The following ZFHX3 variants were observed in gnomAD, a reference collection of about 807,000 sequenced individuals.
ZFHX3 encodes the protein zinc finger homeobox 3.
Under a neutral mutation model 279.1 loss-of-function variants are expected in ZFHX3, and 42 were observed. That is an observed-to-expected ratio of 0.15 (90% CI 0.12 to 0.19). The LOEUF (loss-of-function observed/expected upper bound fraction) is 0.19, where lower values mean the gene tolerates loss of function less well. Among genes scored for constraint, ZFHX3 ranks in the 10% least tolerant of loss-of-function variants. The probability of loss-of-function intolerance (pLI) is 1.00; values close to 1 mark genes in which losing one functional copy is unlikely to be tolerated. For synonymous variants in ZFHX3, 2,293 were observed against 1,957.8 expected, an observed-to-expected ratio of 1.17 and a Z score of -4.52; for missense variants, 4,981 against 4,754.0, an observed-to-expected ratio of 1.05 and a Z score of -1.40.
chr16:73,530,193 A>AG lies in ZFHX3; in HGVS notation c.-1546-73936dup, dbSNP rs1285655912. Among the ~76,000 whole-genome samples, 5 of 152,262 alleles carry AG rather than the reference A, an allele frequency of 3.3e-5. No homozygotes were observed. The East Asian group carries it at 5.8e-4, about 18-fold the overall frequency. On this transcript the variant is annotated intron_variant, in intron 2 of 17. Coordinates refer to the ZFHX3 transcript ENST00000641206. ...AGAGAGAGAATGAGAACCAAGTGAA[A>AG]GGGTTTCCCCTTATAAAATAATCAG...
intron 1 of ZFHX3, among the ~76,000 whole-genome samples, chr16:73,752,488 T>C (rs1001010794): frequency 1.3e-5 from 2 of 152,186 alleles, no homozygotes; most frequent in African/African-American, 2.4e-5. Context: ...TACTCTCTTT[T>C]CCTCTCTTTC....
chr16:72,823,947 A>G (rs1282438508), intron 5 of ZFHX3, among the ~76,000 whole-genome samples: 1 of 152,130 alleles, frequency 6.6e-6, no homozygotes, highest in Non-Finnish European at 1.5e-5. Context: ...CTCAATTTGG[A>G]AAAACGAAAA....
At chr16:73,397,029 T>C (rs1323590017) in intron 3 of ZFHX3, among the ~76,000 whole-genome samples, 2 of 152,222 alleles carry the variant, frequency 1.3e-5, no homozygotes, top group Admixed American at 1.3e-4. Flanking sequence ...GAAATAAACC[T>C]AAGCGGCTCT....
intron 7 of ZFHX3, among the ~76,000 whole-genome samples, chr16:73,099,886 A>G (rs1176073106): frequency 6.6e-6 from 1 of 151,672 alleles, no homozygotes; most frequent in African/African-American, 2.4e-5. Context: ...ATCTTGGAAT[A>G]CCTTGGAACT....
chr16:73,232,064 T>G (rs900918919), intron 5 of ZFHX3: 1 of 152,212 alleles, frequency 6.6e-6, no homozygotes, highest in South Asian at 2.1e-4. Context: ...ATTTGGCTCT[T>G]GATTCTTCGG....
intron 3 of ZFHX3, among the ~76,000 whole-genome samples, chr16:73,441,296 G>T (rs1292581988): frequency 6.6e-6 from 1 of 152,140 alleles, no homozygotes; most frequent in Admixed American, 6.5e-5. Context: ...TACAATTATT[G>T]TAATATAATG....
At chr16:73,661,406 T>C (rs552690593) in intron 2 of ZFHX3, among the ~76,000 whole-genome samples, 2 of 152,290 alleles carry the variant, frequency 1.3e-5, no homozygotes, top group African/African-American at 2.4e-5. Context: ...ATCATATACT[T>C]TTCCAAGCAC....
At chr16:72,967,173 T>TC (rs991143007) in intron 1 of ZFHX3, among the ~76,000 whole-genome samples, 1 of 152,220 alleles carries the variant, frequency 6.6e-6, no homozygotes, top group African/African-American at 2.4e-5. Context: ...TTTCTTTTTT[T>TC]CTCTTAGTTT....
At chr16:73,216,384 A>G (rs935970474) in intron 5 of ZFHX3, among the ~76,000 whole-genome samples, 1 of 152,166 alleles carries the variant, frequency 6.6e-6, no homozygotes, top group African/African-American at 2.4e-5. Context: ...CCCCAACTGA[A>G]TTGGTTCCCG....
intron 3 of ZFHX3, among the ~76,000 whole-genome samples, chr16:72,929,729 A>G (rs1198456510): frequency 6.6e-6 from 1 of 152,170 alleles, no homozygotes. Context: ...CTACCTCATT[A>G]ACCGAAACAC....
chr16:73,862,569 G>A (rs1961911940), intron 1 of ZFHX3, among the ~76,000 whole-genome samples: 1 of 152,184 alleles, frequency 6.6e-6, no homozygotes, highest in South Asian at 2.1e-4. Context: ...GAGCCCAGGA[G>A]TTCAAGACCA....
chr16:73,589,325 G>A (rs1357791409), intron 2 of ZFHX3, among the ~76,000 whole-genome samples: 3 of 143,276 alleles, frequency 2.1e-5, no homozygotes, highest in African/African-American at 7.8e-5. Flanking sequence ...ATTCCCAGCT[G>A]CTTGGGAGGC....
intron 4 of ZFHX3, among the ~76,000 whole-genome samples, chr16:72,864,335 G>A (rs971590824): frequency 3.3e-5 from 5 of 152,052 alleles, no homozygotes; most frequent in Non-Finnish European, 5.9e-5. Context: ...GAAGATACCT[G>A]GCACATGGGA....
At chr16:72,973,361 G>A (rs975511522) in intron 1 of ZFHX3, 18 of 151,364 alleles carry the variant, frequency 1.2e-4, no homozygotes, top group African/African-American at 3.4e-4. Context: ...TCTCCAGAGC[G>A]GTTTCAAATC....
intron 5 of ZFHX3, among the ~76,000 whole-genome samples, chr16:73,209,459 C>T (rs968740780): frequency 9.2e-5 from 14 of 152,044 alleles, no homozygotes; most frequent in Non-Finnish European, 1.3e-4. Context: ...CCTTGAATGC[C>T]GCATCCTTTT....
Position 72,953,373 on chromosome 16 carries a change from T to C in ZFHX3, c.2720-2408A>G, listed in dbSNP as rs577457278. Among the ~76,000 whole-genome samples, 5 of 151,840 alleles carry C rather than the reference T, an allele frequency of 3.3e-5. No homozygotes were observed. In the East Asian group the frequency reaches 5.8e-4, roughly 18 times the overall value. On this transcript the variant is annotated intron_variant, in intron 2 of 9. Coordinates refer to ENST00000268489, the MANE Select transcript of ZFHX3 (RefSeq NM_006885.4). ...GGCAACATCCAGGAAACATACTCAGTGTTCAGTCAAAGCAGAAACTGCCCG... is the reference window on the plus strand; with the variant it reads ...GGCAACATCCAGGAAACATACTCAGCGTTCAGTCAAAGCAGAAACTGCCCG...
chr16:73,366,214 A>C (rs946258816), intron 3 of ZFHX3, among the ~76,000 whole-genome samples: 2 of 152,224 alleles, frequency 1.3e-5, no homozygotes, highest in African/African-American at 4.8e-5. Context: ...TTAAAATAGC[A>C]AAAGAGTGGA....
chr16:73,544,280 CCTTCT>C (rs987179632), intron 2 of ZFHX3, among the ~76,000 whole-genome samples: 4 of 152,176 alleles, frequency 2.6e-5, no homozygotes, highest in African/African-American at 9.7e-5. Flanking sequence ...CTTCTCTTTT[CCTTCT>C]CTTCTTTTTA....
intron 4 of ZFHX3, among the ~76,000 whole-genome samples, chr16:73,268,146 T>C (rs1340192433): frequency 6.6e-6 from 1 of 152,192 alleles, no homozygotes; most frequent in Non-Finnish European, 1.5e-5. Context: ...ATGACTGAAA[T>C]CATACTCTTC....
Sources: gnomAD v4.1 joint callset for allele counts (sites outside exome capture counted in the v4.1 genomes callset) on GRCh38, gnomAD v4.1.1 for gene constraint, MANE v1.5 for transcripts, NCBI Gene and HGNC (gene_info 2026-07-23, HGNC 2026-07-21) for gene names.